GYPC: variants seen among roughly 807,000 people sequenced by gnomAD.
GYPC encodes glycophorin C (Gerbich blood group).
Under a neutral mutation model 12.6 loss-of-function variants are expected in GYPC, and 14 were observed. The ratio of observed to expected loss-of-function variants is 1.11; its 90% CI spans 0.74 to 1.74. GYPC has a LOEUF of 1.74. GYPC is among the 40% of genes most tolerant of loss of function. The pLI, the probability that GYPC is intolerant of heterozygous loss-of-function variation, is 0.00. For missense variants in GYPC, 225 were observed against 172.1 expected (o/e 1.31, Z -1.72); for synonymous variants, 78 against 62.1 (o/e 1.26, Z -1.20).
chr2:126,691,410 C>G (rs909429240), intron 2 of GYPC, among the ~76,000 whole-genome samples: 3 of 152,140 alleles, frequency 2.0e-5, no homozygotes, highest in African/African-American at 7.2e-5. Context: ...CAGCCAACAC[C>G]TTGGCATTCT....
chr2:126,668,966 A>G (rs1320310243), intron 1 of GYPC, among the ~76,000 whole-genome samples: 2 of 152,234 alleles, frequency 1.3e-5, no homozygotes, highest in African/African-American at 4.8e-5. Flanking sequence ...TACTGCGATT[A>G]GTTGCTGAAC....
intron 2 of GYPC, among the ~76,000 whole-genome samples, chr2:126,691,323 C>T (rs1169705597): frequency 6.6e-6 from 1 of 152,102 alleles, no homozygotes; most frequent in African/African-American, 2.4e-5. Context: ...TGATCTGACC[C>T]CTCCTGAGCA....
chr2:126,692,314 C>T (rs1029384976), intron 2 of GYPC, among the ~76,000 whole-genome samples: 3 of 152,122 alleles, frequency 2.0e-5, no homozygotes, highest in Non-Finnish European at 4.4e-5. Context: ...ACACCCCTAG[C>T]TTGGCCCATC....
intron 1 of GYPC, among the ~76,000 whole-genome samples, chr2:126,688,656 A>T (rs1324728968): frequency 1.3e-5 from 2 of 152,018 alleles, no homozygotes; most frequent in Non-Finnish European, 2.9e-5. Flanking sequence ...GCCTTGTATT[A>T]TCTTCTTCCC....
At chr2:126,669,593 G>C (rs1682783899) in intron 1 of GYPC, among the ~76,000 whole-genome samples, 1 of 152,112 alleles carries the variant, frequency 6.6e-6, no homozygotes, top group Non-Finnish European at 1.5e-5. Flanking sequence ...CAGAATCCTG[G>C]AGCCTCTGAA....
chr2:126,686,053 G>A lies in GYPC; in HGVS notation c.50-4202G>A, dbSNP rs116122263. The stretch of plus-strand genomic sequence containing the variant: ...GGGGAACCCCTTCAACAACTCCTAT[G>A]GCAGAGGGGAGCCATAGGAGATGGG... On this transcript the variant is annotated intron_variant, in intron 1 of 3. Transcript: ENST00000259254. The A allele has an allele frequency of 2.7e-4, 262 of 985,308 alleles. 1 individual carries two copies. In the African/African-American group the frequency reaches 4.3e-3, roughly 16 times the overall value. 61.0% of individuals were successfully genotyped at this position (985,308 alleles called of 1,614,324 possible).
chr2:126,668,472 C>T (rs867713405), intron 1 of GYPC, among the ~76,000 whole-genome samples: 1 of 152,312 alleles, frequency 6.6e-6, no homozygotes, highest in African/African-American at 2.4e-5. Context: ...CCCTCCATAG[C>T]AGACGTCTCT....
intron 1 of GYPC, among the ~76,000 whole-genome samples, chr2:126,683,246 G>C (rs973788199): frequency 6.6e-6 from 1 of 152,166 alleles, no homozygotes; most frequent in Admixed American, 6.5e-5. Context: ...CTTGAACCTG[G>C]GGGGCAGAGG....
intron 1 of GYPC, among the ~76,000 whole-genome samples, chr2:126,673,662 G>A (rs762569226): frequency 1.7e-4 from 26 of 152,204 alleles, no homozygotes; most frequent in African/African-American, 4.3e-4. Context: ...AGATTCCTGG[G>A]CAGGCAGACC....
intron 1 of GYPC, among the ~76,000 whole-genome samples, chr2:126,685,326 C>G (rs911634765): frequency 6.6e-6 from 1 of 152,076 alleles, no homozygotes; most frequent in Non-Finnish European, 1.5e-5. Context: ...TCTTGAACCC[C>G]AAATCAGATT....
rs147120951 is a variant in GYPC, at chr2:126,688,342, G to A, written c.50-1913G>A. ...TTATTCTTTCTTTCCGAACTTTGAG[G>A]TGCATAGTGGTTAGAAAAGTCTAGA... is the stretch of plus-strand genomic sequence containing the variant. On this transcript the variant is annotated intron_variant, in intron 1 of 3. Transcript: ENST00000259254. 9.2e-5 allele frequency among the ~76,000 whole-genome samples: 14 copies of A among 152,260 alleles called. No homozygotes were observed. In the East Asian group the frequency reaches 2.5e-3, roughly 27 times the overall value.
intron 1 of GYPC, chr2:126,686,310 A>G: frequency 1.0e-6 from 1 of 985,684 alleles, no homozygotes; most frequent in Non-Finnish European, 1.2e-6. Flanking sequence ...CAAGCTGCCA[A>G]CTGAAGCAGA....
chr2:126,662,592 G>A (rs973738276), intron 1 of GYPC, among the ~76,000 whole-genome samples: 3 of 152,138 alleles, frequency 2.0e-5, no homozygotes, highest in Admixed American at 1.3e-4. Flanking sequence ...GCAGGGTCCC[G>A]CACTTCCTAG....
rs184726673 is a variant in GYPC at position 126,663,259 on chromosome 2, A to G, written c.49+6947A>G. 2.8e-4 allele frequency among the ~76,000 whole-genome samples: 42 copies of G among 151,862 alleles called. No individual in the cohort carries two copies. The East Asian group carries it at 6.2e-3, about 22-fold the overall frequency. On this transcript the variant is annotated intron_variant, in intron 1 of 3. Transcript: ENST00000259254. ...CACCTTGTTGGCCAGGATTGTCTCA[A>G]TCTCCTGACCTCCTGATCTGCCCAC...
At chr2:126,673,463 G>T (rs1401041006) in intron 1 of GYPC, among the ~76,000 whole-genome samples, 1 of 152,170 alleles carries the variant, frequency 6.6e-6, no homozygotes, top group African/African-American at 2.4e-5. Flanking sequence ...GTGTGCTCTC[G>T]GGAGGAGAGT....
At chr2:126,661,796 A>G (rs1682543654) in intron 1 of GYPC, among the ~76,000 whole-genome samples, 1 of 152,190 alleles carries the variant, frequency 6.6e-6, no homozygotes, top group Admixed American at 6.5e-5. Flanking sequence ...CACTGTGGTC[A>G]CACACTGCTT....
At position 126,696,069 on chromosome 2, in the gene GYPC, C is replaced by T. The variant is rs760513846; in HGVS notation, c.314C>T (p.Ala105Val). ...EAKGTEFAES[A>V]DAALQGDPAL... ...AAGGGCACGGAGTTTGCTGAGAGTG[C>T]AGATGCAGCCCTGCAGGGAGACCCT... Residue 105 changes from alanine (A) to valine (V), a missense_variant, in exon 4 of 4, where the codon GCA becomes GTA. Coordinates refer to ENST00000259254, the MANE Select transcript of GYPC (RefSeq NM_002101.5). 2 of 1,614,076 alleles carry T rather than the reference C, an allele frequency of 1.2e-6. No individual in the cohort carries two copies. Among genetic ancestry groups the T allele is most frequent in the Middle Eastern group, 1.6e-4 (1 of 6,062 alleles).
At chr2:126,668,987 G>A (rs976690489) in intron 1 of GYPC, among the ~76,000 whole-genome samples, 4 of 152,238 alleles carry the variant, frequency 2.6e-5, no homozygotes, top group South Asian at 2.1e-4. Context: ...TGGCTCAATA[G>A]CTATGTAGCT....
chr2:126,694,093 G>A, intron 3 of GYPC, 146 bp downstream of exon 3: 1 of 699,338 alleles, frequency 1.4e-6, no homozygotes, highest in South Asian at 1.5e-5. Flanking sequence ...ATGTGGAATG[G>A]AGGAGTCTAG....
Sources: allele counts gnomAD v4.1 joint callset (sites outside exome capture counted in the v4.1 genomes callset), GRCh38; gene constraint gnomAD v4.1.1; transcripts MANE v1.5; gene names NCBI Gene and HGNC (gene_info 2026-07-23, HGNC 2026-07-21).